Variants in PCDHA5 observed in about 807,000 individuals in gnomAD.
The protein encoded by PCDHA5 is protocadherin alpha 5, also known as protocadherin alpha-5.
Under a neutral mutation model 61.6 loss-of-function variants are expected in PCDHA5, and 43 were observed. The observed-to-expected ratio is 0.70, with a 90% CI of 0.55 to 0.90. PCDHA5 has a LOEUF of 0.90. PCDHA5 is among the 40% of genes least tolerant of loss of function. PCDHA5 has a pLI of 0.00. For synonymous variants in PCDHA5, 627 were observed against 543.9 expected, an observed-to-expected ratio of 1.15 and a Z score of -2.13; for missense variants, 1,298 against 1,222.7, an observed-to-expected ratio of 1.06 and a Z score of -0.92.
intron 1 of PCDHA5, among the ~76,000 whole-genome samples, chr5:140,839,640 TC>T (rs1776343463): frequency 6.6e-6 from 1 of 152,096 alleles, no homozygotes; most frequent in Admixed American, 6.5e-5. Flanking sequence ...AATACTATTT[TC>T]TTTACAAATT....
chr5:141,009,582 G>A, intron 3 of PCDHA5, 45 bp from the exon 4 acceptor site: 1 of 1,590,226 alleles, frequency 6.3e-7, no homozygotes, highest in Non-Finnish European at 8.6e-7. Context: ...GGCATCAAGA[G>A]CATGTGTTGA....
intron 1 of PCDHA5, chr5:140,853,906 C>T (rs2042902737): frequency 2.1e-6 from 2 of 955,058 alleles, no homozygotes; most frequent in African/African-American, 1.8e-5. Flanking sequence ...GGTGGCCTGA[C>T]ACCTGCAATC....
At chr5:140,862,588 G>A in intron 1 of PCDHA5, 1 of 501,458 alleles carries the variant, frequency 2.0e-6, no homozygotes, top group Non-Finnish European at 4.1e-6. Context: ...CCAGCAGCCC[G>A]AGTACATGGT....
chr5:140,822,745 A>T lies in PCDHA5; in HGVS notation c.970A>T (p.Lys324Ter). 6.2e-7 allele frequency: 1 copy of T among 1,613,762 alleles called. No homozygotes were observed. Among genetic ancestry groups the T allele is most frequent in the African/African-American group, 1.3e-5 (1 of 75,048 alleles). Residue 324 changes from lysine (K) to a stop codon, truncating the protein, a stop_gained, in exon 1 of 4, where the codon AAA becomes TAA. Transcript: ENST00000529859. LOFTEE classifies it high-confidence loss of function. ...TGAAATTAATATTGATGCCATGGAT[A>T]AAAGTACATTCCCATTATCAGGACA... ...SYEINIDAMDKSTFPLSGHCK... is the reference protein window; with the variant it reads ...SYEINIDAMD
chr5:140,910,661 A>G (rs1289499574), intron 1 of PCDHA5, among the ~76,000 whole-genome samples: 1 of 152,186 alleles, frequency 6.6e-6, no homozygotes, highest in Non-Finnish European at 1.5e-5. Context: ...CTTCCTCTAC[A>G]TTAAACCAAG....
In PCDHA5 at chr5:140,834,624, A is replaced by C. The variant is rs2150222938; in HGVS notation, c.2352+10497A>C. On this transcript the variant is annotated intron_variant, in intron 1 of 3. Coordinates refer to ENST00000529859, the MANE Select transcript of PCDHA5 (RefSeq NM_018908.3). ...GGATCTTCTGGAGGTAAATCTGCAG[A>C]ATGGCATTTTGTTTGTGAATTCTCG... 3.7e-6 allele frequency: 6 copies of C among 1,614,104 alleles called. No individual in the cohort carries two copies. The South Asian group carries it at 6.6e-5, about 18-fold the overall frequency.
chr5:140,969,203 G>A (rs781962982), intron 1 of PCDHA5: 2 of 1,614,178 alleles, frequency 1.2e-6, no homozygotes, highest in Non-Finnish European at 8.5e-7. Flanking sequence ...CAATACAGGG[G>A]CCCAGACAGG....
At position 140,943,102 on chromosome 5, in the gene PCDHA5, A is replaced by G. The variant is rs142380810; in HGVS notation, c.2353-35847A>G. 2.6e-3 allele frequency among the ~76,000 whole-genome samples: 391 copies of G among 151,972 alleles called. 4 individuals are homozygous for G. In the East Asian group the frequency reaches 0.045, roughly 17 times the overall value. ...TGAAATCCTGCCTCTACTAAAAAAT[A>G]CAAAAATTAGCCAGGTGTGGTAGTG... On this transcript the variant is annotated intron_variant, in intron 1 of 3. Transcript: ENST00000529859.
chr5:140,875,516 TG>T, intron 1 of PCDHA5: 1 of 1,613,976 alleles, frequency 6.2e-7, no homozygotes, highest in Non-Finnish European at 8.5e-7. Context: ...CAGCGTCTGC[TG>T]CTCTCGCTTC....
At chr5:140,987,322 T>G (rs1160600975) in intron 3 of PCDHA5, among the ~76,000 whole-genome samples, 3 of 152,200 alleles carry the variant, frequency 2.0e-5, no homozygotes, top group Non-Finnish European at 4.4e-5. Flanking sequence ...CTGTGAAGTT[T>G]TAAGAACTGG....
At chr5:140,844,413 A>G (rs1581068328) in intron 1 of PCDHA5, among the ~76,000 whole-genome samples, 1 of 149,462 alleles carries the variant, frequency 6.7e-6, no homozygotes, top group East Asian at 1.9e-4. Flanking sequence ...ATTTGGAGAC[A>G]TGTTTTTTAT....
At position 140,883,904 on chromosome 5, in the gene PCDHA5, G is replaced by A. The variant is rs146827381; in HGVS notation, c.2352+59777G>A. 7,677 of 1,613,344 alleles carry A rather than the reference G, an allele frequency of 4.8e-3. 19 individuals are homozygous for A. The highest frequency in any genetic ancestry group is 5.8e-3 in the Non-Finnish European group (6,886 of 1,179,828). On this transcript the variant is annotated intron_variant, in intron 1 of 3. Transcript: ENST00000529859. ...GCGCGACTCTGGCGTGCCGCCTCTG[G>A]GCAGCAACGTGACGCTGCAGGTGTT... is the stretch of plus-strand genomic sequence containing the variant.
At chr5:140,844,441 GTTGTA>G (rs1554140652) in intron 1 of PCDHA5, among the ~76,000 whole-genome samples, 1 of 149,004 alleles carries the variant, frequency 6.7e-6, no homozygotes, top group East Asian at 1.9e-4. Flanking sequence ...GATTTTTACA[GTTGTA>G]TTGTCGCCAA....
intron 1 of PCDHA5, chr5:140,834,145 G>C (rs1260830978): frequency 1.9e-6 from 1 of 519,062 alleles, no homozygotes; most frequent in African/African-American, 1.9e-5. Context: ...TTAATAGTTT[G>C]TAATGGTTTG....
At chr5:140,828,654 A>G (rs1769871452) in intron 1 of PCDHA5, 1 of 1,614,224 alleles carries the variant, frequency 6.2e-7, no homozygotes, top group South Asian at 1.1e-5. Flanking sequence ...AACAGTGATG[A>G]CAATAAACAA....
chr5:140,835,710 G>A (rs1773867505), intron 1 of PCDHA5: 1 of 1,613,842 alleles, frequency 6.2e-7, no homozygotes, highest in Non-Finnish European at 8.5e-7. Context: ...TAGCGTGTCC[G>A]TGGAGGTGGC....
chr5:140,867,686 C>CT, intron 1 of PCDHA5: 1 of 152,084 alleles, frequency 6.6e-6, no homozygotes, highest in Middle Eastern at 3.4e-3. Flanking sequence ...GTTGCATCTT[C>CT]TTTTTTTCCT....
chr5:140,848,919 A>C, intron 1 of PCDHA5: 1 of 1,608,020 alleles, frequency 6.2e-7, no homozygotes, highest in Non-Finnish European at 8.5e-7. Flanking sequence ...GAATCTGTTC[A>C]TCGCGGAATC....
In PCDHA5 at chr5:140,823,047, G is replaced by A; in HGVS notation, c.1272G>A (p.Val424=). ...RESVSVYELV[V]TARDGGSPSL... is the part of the protein sequence containing the mutation. ...GCGTGTCGGTCTATGAGCTGGTGGT[G>A]ACCGCGCGGGACGGGGGCTCGCCTT... Residue 424 remains valine (V), a synonymous_variant, in exon 1 of 4, where the codon GTG becomes GTA. Transcript: ENST00000529859. 7 of 1,614,198 alleles carry A rather than the reference G, an allele frequency of 4.3e-6. No individual in the cohort carries two copies. Among genetic ancestry groups the A allele is most frequent in the South Asian group, 2.2e-5 (2 of 91,086 alleles).
Sources: gnomAD v4.1 joint callset for allele counts (sites outside exome capture counted in the v4.1 genomes callset) on GRCh38, gnomAD v4.1.1 for gene constraint, MANE v1.5 for transcripts, NCBI Gene and HGNC (gene_info 2026-07-23, HGNC 2026-07-21) for gene names.